The following XYLB variants were observed in gnomAD, a reference collection of about 807,000 sequenced individuals.
The protein encoded by XYLB is xylulose kinase.
XYLB carries 62 observed loss-of-function variants against 78.7 expected under a neutral mutation model. That is an observed-to-expected ratio of 0.79 (90% CI 0.64 to 0.97). The LOEUF (loss-of-function observed/expected upper bound fraction) is 0.97. Among genes scored for constraint, XYLB ranks in the 50% least tolerant of loss-of-function variants. The probability of loss-of-function intolerance (pLI) is 0.00; values close to 1 mark genes in which losing one functional copy is unlikely to be tolerated. For synonymous variants in XYLB, 245 were observed against 247.4 expected, an observed-to-expected ratio of 0.99 and a Z score of 0.09; for missense variants, 687 against 676.8, an observed-to-expected ratio of 1.02 and a Z score of -0.17.
chr3:38,431,178 A>C, the XYLB span, among the ~76,000 whole-genome samples: 483 of 152,262 alleles, frequency 3.2e-3, 5 homozygotes, highest in Non-Finnish European at 1.2e-3. Context: ...GATTCTTCCT[A>C]TCCACGAGCA....
the XYLB span, among the ~76,000 whole-genome samples, chr3:38,441,494 C>T: frequency 2.0e-5 from 3 of 152,194 alleles, no homozygotes; most frequent in Non-Finnish European, 4.4e-5. Context: ...CAACATAAAT[C>T]TGGACTATAA....
At chr3:38,405,513 G>A (rs991912221) in intron 18 of XYLB, among the ~76,000 whole-genome samples, 1 of 152,224 alleles carries the variant, frequency 6.6e-6, no homozygotes, top group Non-Finnish European at 1.5e-5. Context: ...ATCTCACTAG[G>A]GAGTGCCAGA....
At chr3:38,423,881 G>T (rs1252384049), downstream of XYLB, among the ~76,000 whole-genome samples, 1 of 152,060 alleles carries the variant, frequency 6.6e-6, no homozygotes, top group Non-Finnish European at 1.5e-5. Context: ...CTCCTACTTG[G>T]GGACCTTAGT....
At chr3:38,365,878 T>G in intron 6 of XYLB, 142 bp downstream of exon 6, 1 of 1,296,438 alleles carries the variant, frequency 7.7e-7, no homozygotes, top group Non-Finnish European at 1.0e-6. Flanking sequence ...CCCTGGGTCC[T>G]GATCCAGGCC....
the XYLB span, among the ~76,000 whole-genome samples, chr3:38,450,035 A>G: frequency 6.6e-6 from 1 of 152,224 alleles, no homozygotes; most frequent in African/African-American, 2.4e-5. Flanking sequence ...GAAATAACAG[A>G]TAGCTTATTA....
At chr3:38,439,777 G>A in the XYLB span, among the ~76,000 whole-genome samples, 1 of 141,874 alleles carries the variant, frequency 7.0e-6, no homozygotes, top group African/African-American at 2.5e-5. Context: ...AAAAAAAAAA[G>A]TTTGAAAGGC....
chr3:38,438,959 C>T, the XYLB span, among the ~76,000 whole-genome samples: 3 of 152,142 alleles, frequency 2.0e-5, no homozygotes, highest in Non-Finnish European at 4.4e-5. Flanking sequence ...ATTTTACAAA[C>T]CTCTAGGTAG....
intron 18 of XYLB, among the ~76,000 whole-genome samples, chr3:38,410,683 T>G (rs541059084): frequency 1.4e-4 from 21 of 151,976 alleles, no homozygotes; most frequent in East Asian, 3.9e-4. Context: ...CAAACAAATT[T>G]ACAAGAAAAA....
At chr3:38,371,722 A>G (rs1220243789) in intron 9 of XYLB, among the ~76,000 whole-genome samples, 4 of 152,168 alleles carry the variant, frequency 2.6e-5, no homozygotes, top group Non-Finnish European at 5.9e-5. Context: ...ACATGCTGAA[A>G]ACAGCCTCTG....
intron 15 of XYLB, among the ~76,000 whole-genome samples, chr3:38,385,560 T>C (rs1707346568): frequency 6.6e-6 from 1 of 152,260 alleles, no homozygotes; most frequent in Admixed American, 6.5e-5. Context: ...TTCAGAATGC[T>C]ACATGTTAAC....
chr3:38,361,316 C>T (rs1042906211), intron 3 of XYLB, among the ~76,000 whole-genome samples: 5 of 151,270 alleles, frequency 3.3e-5, no homozygotes, highest in African/African-American at 4.9e-5. Context: ...GCAGGGTCCC[C>T]GAGTCCCTGA....
chr3:38,443,500 T>G, the XYLB span, among the ~76,000 whole-genome samples: 1 of 152,222 alleles, frequency 6.6e-6, no homozygotes, highest in Non-Finnish European at 1.5e-5. Flanking sequence ...TGCTCTATTT[T>G]CTGTCCTCTC....
chr3:38,435,559 A>T, the XYLB span, among the ~76,000 whole-genome samples: 1 of 152,294 alleles, frequency 6.6e-6, no homozygotes, highest in Admixed American at 6.5e-5. Context: ...CAACAAATAA[A>T]CATTGGACTT....
chr3:38,378,356 T>C (rs1216818453), intron 14 of XYLB, among the ~76,000 whole-genome samples: 1 of 152,214 alleles, frequency 6.6e-6, no homozygotes, highest in African/African-American at 2.4e-5. Context: ...GAACAAAACA[T>C]TGGTGGCCCT....
chr3:38,376,805 G>C lies in XYLB; in HGVS notation c.1121-113G>C, dbSNP rs372275804. 7.0e-5 allele frequency: 49 copies of C among 700,510 alleles called. No homozygotes were observed. In the South Asian group the frequency reaches 9.6e-4, roughly 14 times the overall value. 43.4% of individuals were successfully genotyped at this position (700,510 alleles called of 1,614,324 possible). ...CACAGGTCTCATCTGGGGGATGAAA[G>C]AGCCAGGGGACCCAGGGATATGGGG... On this transcript the variant is annotated intron_variant, in intron 13 of 18. Coordinates refer to ENST00000207870, the MANE Select transcript of XYLB (RefSeq NM_005108.4).
At chr3:38,364,524 C>A (rs1706143669) in intron 4 of XYLB, among the ~76,000 whole-genome samples, 1 of 133,344 alleles carries the variant, frequency 7.5e-6, no homozygotes, top group Non-Finnish European at 1.6e-5. Context: ...GCCCATCACC[C>A]ACCCCCGACC....
intron 12 of XYLB, among the ~76,000 whole-genome samples, chr3:38,375,663 C>T (rs556500055): frequency 5.3e-5 from 8 of 152,296 alleles, no homozygotes; most frequent in African/African-American, 1.4e-4. Flanking sequence ...CATCCTGCCT[C>T]CCGACGGCTC....
chr3:38,356,310 A>C (rs1472819610), intron 2 of XYLB: 1 of 153,062 alleles, frequency 6.5e-6, no homozygotes, highest in Non-Finnish European at 1.5e-5. Context: ...TTCACATACC[A>C]TAAAATTCAC....
chr3:38,410,189 T>C lies in XYLB; in HGVS notation c.1534-2747T>C, dbSNP rs570147871. On this transcript the variant is annotated intron_variant, in intron 18 of 18. Transcript: ENST00000207870. ...TGGTACTGGTACCAAAACAGAGATA[T>C]AGATCAATGGAACAGAACAGAGCCC... 1.8e-4 allele frequency among the ~76,000 whole-genome samples: 28 copies of C among 152,214 alleles called. 1 individual carries two copies. Among genetic ancestry groups the C allele is most frequent in the Admixed American group, 1.6e-3 (24 of 15,292 alleles).
Sources: gnomAD v4.1 joint callset for allele counts (sites outside exome capture counted in the v4.1 genomes callset) on GRCh38, gnomAD v4.1.1 for gene constraint, MANE v1.5 for transcripts, NCBI Gene and HGNC (gene_info 2026-07-23, HGNC 2026-07-21) for gene names.